LMO2: variants seen among roughly 807,000 people sequenced by gnomAD.
LMO2 encodes rhombotin-2.
A neutral mutation model predicts 23.2 loss-of-function variants in LMO2; 20 were observed. The ratio of observed to expected loss-of-function variants is 0.86; its 90% CI spans 0.61 to 1.25. The LOEUF (loss-of-function observed/expected upper bound fraction) is 1.25, where lower values mean the gene tolerates loss of function less well. LMO2 is among the 50% of genes most tolerant of loss of function. The pLI is 0.00. For synonymous variants in LMO2, 123 were observed against 130.2 expected, an observed-to-expected ratio of 0.94 and a Z score of 0.38; for missense variants, 270 against 315.3, an observed-to-expected ratio of 0.86 and a Z score of 1.09.
At chr11:33,865,057 A>G (rs1856732781) in intron 4 of LMO2, 1 of 569,756 alleles carries the variant, frequency 1.8e-6, no homozygotes, top group African/African-American at 1.9e-5. Context: ...CAGGGCACCA[A>G]GAGGCATCAA....
chr11:33,859,696 T>C, intron 5 of LMO2, 121 bp from the exon 6 acceptor site: 1 of 844,358 alleles, frequency 1.2e-6, no homozygotes, highest in Non-Finnish European at 1.8e-6. Context: ...CCAGGGAAGG[T>C]CGGCTCCAGA....
chr11:33,873,517 T>A (rs574202209), intron 2 of LMO2, among the ~76,000 whole-genome samples: 5 of 152,232 alleles, frequency 3.3e-5, no homozygotes, highest in African/African-American at 1.2e-4. Flanking sequence ...CATGACCTTA[T>A]TGTATCCTCC....
Position 33,864,897 on chromosome 11 carries a change from A to G in LMO2, c.249-80T>C, listed in dbSNP as rs1334955669. On this transcript the variant is annotated intron_variant, in intron 4 of 5. Transcript: ENST00000257818. The surrounding 1 kb of genome is among the most constrained non-coding windows in gnomAD (Gnocchi z 4.8). ...AGGGTCCGAGATCGTTTTGGGCCAG[A>G]CAGGGCATCTCACCTGACTGCCTTT... is the stretch of plus-strand genomic sequence containing the variant. The G allele has an allele frequency of 7.8e-7, 1 of 1,281,946 alleles. No individual in the cohort carries two copies. Among genetic ancestry groups the G allele is most frequent in the Admixed American group, 1.7e-5 (1 of 58,764 alleles). 79.4% of individuals were successfully genotyped at this position (1,281,946 alleles called of 1,614,324 possible).
chr11:33,884,837 G>T (rs1469543629), intron 1 of LMO2, among the ~76,000 whole-genome samples: 1 of 152,238 alleles, frequency 6.6e-6, no homozygotes, highest in Non-Finnish European at 1.5e-5. Flanking sequence ...ATCATCTGGA[G>T]CTAGTCTCTT....
At chr11:33,878,687 C>G (rs1290074453) in intron 2 of LMO2, among the ~76,000 whole-genome samples, 1 of 152,178 alleles carries the variant, frequency 6.6e-6, no homozygotes, top group Non-Finnish European at 1.5e-5. Flanking sequence ...TACATCTTTA[C>G]CCTGAAGGTT....
At position 33,859,560 on chromosome 11, in the gene LMO2, G is replaced by A. The variant is rs777714528; in HGVS notation, c.480C>T (p.Asp160=). Reference sequence around the variant, plus strand: ...GCTTGTCACAGGATGCGCAGAGACCGTCTTGCCCAAAAAGCCTGGGGCAAA... The same window carrying A: ...GCTTGTCACAGGATGCGCAGAGACCATCTTGCCCAAAAAGCCTGGGGCAAA... ...RRDYLRLFGQ[D]GLCASCDKRI... Residue 160 remains aspartate (D), a synonymous_variant, in exon 6 of 6, where the codon GAC becomes GAT. Coordinates refer to ENST00000257818, the MANE Select transcript of LMO2 (RefSeq NM_005574.4). The A allele has an allele frequency of 2.0e-5, 33 of 1,613,840 alleles. No homozygotes were observed. Among genetic ancestry groups the A allele is most frequent in the East Asian group, 1.8e-4 (8 of 44,880 alleles).
intron 5 of LMO2, among the ~76,000 whole-genome samples, chr11:33,863,261 C>G (rs1198793674): frequency 6.6e-6 from 1 of 152,146 alleles, no homozygotes; most frequent in Non-Finnish European, 1.5e-5. Context: ...AAATTATAAG[C>G]ATGATCATTG....
chr11:33,881,126 G>A (rs117373781), intron 2 of LMO2: 8,759 of 454,758 alleles, frequency 0.019, 134 homozygotes, highest in Non-Finnish European at 0.03. Context: ...AAAAGGGGGC[G>A]TCTCTGATGA....
At chr11:33,888,258 C>A (rs1590660038) in intron 1 of LMO2, among the ~76,000 whole-genome samples, 2 of 152,324 alleles carry the variant, frequency 1.3e-5, no homozygotes, top group African/African-American at 2.4e-5. Flanking sequence ...AAATGGCCAG[C>A]CTTATGCTTC....
At chr11:33,870,424 T>G in intron 2 of LMO2, 1 of 985,580 alleles carries the variant, frequency 1.0e-6, no homozygotes, top group South Asian at 4.7e-5. Context: ...TGCACTGGGA[T>G]GCCCCGGACA....
At chr11:33,867,701 C>T (rs1315315091) in intron 4 of LMO2, among the ~76,000 whole-genome samples, 1 of 152,158 alleles carries the variant, frequency 6.6e-6, no homozygotes, top group Non-Finnish European at 1.5e-5. Flanking sequence ...AGCTGGTGAG[C>T]CTCCAGCAGT....
Position 33,880,273 on chromosome 11 carries a change from C to CATACATACAT in LMO2, c.-272+1550_-272+1551insATGTATGTAT, listed in dbSNP as rs1565034771. Among the ~76,000 whole-genome samples the CATACATACAT allele has an allele frequency of 3.6e-4, 41 of 113,362 alleles. 1 individual carries two copies. Among genetic ancestry groups the CATACATACAT allele is most frequent in the African/African-American group, 1.5e-3 (38 of 26,030 alleles). The allele number at this position is 113,362 out of a possible 152,430, so 74.4% of individuals were successfully genotyped here. ...ACATGATATATATATCATACATACACATGATATATATCATATATATCATAT... is the reference window on the plus strand; with the variant it reads ...ACATGATATATATATCATACATACACATACATACATATGATATATATCATATATATCATAT... On this transcript the variant is annotated intron_variant, in intron 2 of 5. Transcript: ENST00000257818. The surrounding 1 kb of genome is among the most constrained non-coding windows in gnomAD (Gnocchi z 4.3).
At position 33,869,475 on chromosome 11, in the gene LMO2, G is replaced by A; in HGVS notation, c.119C>T (p.Ala40Val). Reference protein sequence around the residue: ...GDGGGGGGARAPEGVRAPAAG... With the variant: ...GDGGGGGGARVPEGVRAPAAG... The stretch of plus-strand genomic sequence containing the variant: ...TGCCGGGGCTCGGACCCCCTCGGGT[G>A]CTCGGGCGCCGCCGCCGCCGCCGCC... Residue 40 changes from alanine to valine, a missense_variant, in exon 4 of 6, where the codon GCA becomes GTA. Around this residue, in one of 2 missense-constraint regions of LMO2, gnomAD observed 170 missense variants for 162.0 expected, o/e 1.05. Coordinates refer to ENST00000257818, the MANE Select transcript of LMO2 (RefSeq NM_005574.4). 8.3e-7 allele frequency: 1 copy of A among 1,209,940 alleles called. No homozygotes were observed. The highest frequency in any genetic ancestry group is 1.0e-6 in the Non-Finnish European group (1 of 970,566). The allele number at this position is 1,209,940 out of a possible 1,614,324, so 75.0% of individuals were successfully genotyped here. A position where few individuals can be genotyped will look rare whatever the true frequency, so the allele number is the denominator to read the frequency against.
chr11:33,871,060 T>C (rs1288798634), intron 2 of LMO2: 1 of 984,624 alleles, frequency 1.0e-6, no homozygotes, highest in Non-Finnish European at 1.2e-6. Context: ...ATCCATGGTT[T>C]TATATGATCA....
At position 33,864,720 on chromosome 11, in the gene LMO2, C is replaced by T. The variant is rs765044336; in HGVS notation, c.346G>A (p.Asp116Asn). The T allele has an allele frequency of 3.1e-6, 5 of 1,614,040 alleles. No homozygotes were observed. The highest frequency in any genetic ancestry group is 2.2e-5 in the East Asian group (1 of 44,882). Residue 116 changes from aspartate (D) to asparagine (N), a missense_variant, in exon 5 of 6, where the codon GAC becomes AAC. Physicochemically the swap from Asp to Asn is conservative, Grantham distance 23 (BLOSUM62 1). This residue lies in a region of LMO2 where 170 missense variants were observed against 162.0 expected (regional missense o/e 1.05). Transcript: ENST00000257818. This position sits in a 1 kb window ranked among gnomAD's most constrained non-coding sequence, Gnocchi z 4.8. ...AGGCAGTCCTCGTGCCAGTACTGGTCGATGGCCTTCAGGAAGTAGCGGTCC... is the reference window on the plus strand; with the variant it reads ...AGGCAGTCCTCGTGCCAGTACTGGTTGATGGCCTTCAGGAAGTAGCGGTCC... ...IGDRYFLKAI[D>N]QYWHEDCLSC...
intron 2 of LMO2, 128 bp downstream of exon 2, chr11:33,881,696 G>A (rs1463378794): frequency 3.2e-6 from 1 of 310,120 alleles, no homozygotes; most frequent in Non-Finnish European, 6.3e-6. Flanking sequence ...CTTCCCCAAA[G>A]ACCTCAAGCT....
intron 1 of LMO2, among the ~76,000 whole-genome samples, chr11:33,891,093 G>C (rs1857535590): frequency 6.6e-6 from 1 of 152,124 alleles, no homozygotes; most frequent in African/African-American, 2.4e-5. Flanking sequence ...ACAGTACCTG[G>C]CACAAAGTAG....
chr11:33,887,297 G>A (rs1857433429), intron 1 of LMO2, among the ~76,000 whole-genome samples: 1 of 152,210 alleles, frequency 6.6e-6, no homozygotes, highest in South Asian at 2.1e-4. Context: ...AGGAATACAT[G>A]TCCACCATGG....
chr11:33,861,532 G>C lies in LMO2; in HGVS notation c.465-1957C>G, dbSNP rs562379412. 1.6e-4 allele frequency among the ~76,000 whole-genome samples: 24 copies of C among 152,272 alleles called. No individual in the cohort carries two copies. In the East Asian group the frequency reaches 1.7e-3, roughly 11 times the overall value. On this transcript the variant is annotated intron_variant, in intron 5 of 5. Transcript: ENST00000257818. The stretch of plus-strand genomic sequence containing the variant: ...CCGCCTGGGAGCAAACTCATTACTG[G>C]GGGGAGAACATTTTATCCCAACGTA...
Sources: allele counts gnomAD v4.1 joint callset (sites outside exome capture counted in the v4.1 genomes callset), GRCh38; gene constraint gnomAD v4.1.1; regional missense constraint gnomAD v4.1.1; non-coding constraint Gnocchi (gnomAD v3.1); transcripts MANE v1.5; gene names NCBI Gene and HGNC (gene_info 2026-07-23, HGNC 2026-07-21).